SLC25A48: variants seen among roughly 807,000 people sequenced by gnomAD.
SLC25A48 encodes the protein solute carrier family 25 member 48, also known as CTC-321K16.1.
SLC25A48 carries 29 observed loss-of-function variants against 32.2 expected under a neutral mutation model. That is an observed-to-expected ratio of 0.90 (90% CI 0.67 to 1.23). The LOEUF (loss-of-function observed/expected upper bound fraction) is 1.23, where lower values mean the gene tolerates loss of function less well. SLC25A48 is among the 50% of genes most tolerant of loss of function. The probability of loss-of-function intolerance (pLI) is 0.00; values close to 1 mark genes in which losing one functional copy is unlikely to be tolerated. For missense variants in SLC25A48, 399 were observed against 422.7 expected, an observed-to-expected ratio of 0.94 and a Z score of 0.49; for synonymous variants, 164 against 172.3, an observed-to-expected ratio of 0.95 and a Z score of 0.38.
intron 2 of SLC25A48, among the ~76,000 whole-genome samples, chr5:135,630,187 C>T (rs1752524007): frequency 6.6e-6 from 1 of 152,198 alleles, no homozygotes; most frequent in South Asian, 2.1e-4. Flanking sequence ...GATGTGGAGC[C>T]TGTCTGGACT....
chr5:135,615,615 A>C (rs1305189986), intron 1 of SLC25A48, among the ~76,000 whole-genome samples: 1 of 152,234 alleles, frequency 6.6e-6, no homozygotes, highest in Non-Finnish European at 1.5e-5. Context: ...AGAGGGTAAA[A>C]GTTTTGGAAA....
chr5:135,887,909 GT>G, intron 7 of SLC25A48, 122 bp from the exon 8 acceptor site: 3 of 899,728 alleles, frequency 3.3e-6, no homozygotes, highest in Non-Finnish European at 5.2e-6. Flanking sequence ...GTGCAAAAGT[GT>G]TTTTGTAAAC....
chr5:135,802,777 A>G (rs1413605642), intron 3 of SLC25A48, among the ~76,000 whole-genome samples: 5 of 151,312 alleles, frequency 3.3e-5, no homozygotes, highest in African/African-American at 4.8e-5. Flanking sequence ...GGGAAGGTAC[A>G]CAATGTAAGT....
intron 3 of SLC25A48, among the ~76,000 whole-genome samples, chr5:135,788,267 T>C (rs11242285): frequency 0.76 from 113,917 of 149,378 alleles, 43,836 homozygotes; most frequent in Middle Eastern, 0.85. Flanking sequence ...TATTATTCAC[T>C]ATGGGGTGGG....
rs1430518183 is a variant in SLC25A48, at chr5:135,629,722, G to A, written c.-709+346G>A. 6.6e-6 allele frequency among the ~76,000 whole-genome samples: 1 copy of A among 152,192 alleles called. No homozygotes were observed. On this transcript the variant is annotated intron_variant, in intron 2 of 10. Coordinates refer to the SLC25A48 transcript ENST00000646290. The surrounding 1 kb of genome is among the most constrained non-coding windows in gnomAD (Gnocchi z 4.8). ...ACAACCAAGGAGCGAGGGAGCTGGG[G>A]CATTGATCCTTCAACTCCCCATCCA... is the stretch of plus-strand genomic sequence containing the variant.
intron 3 of SLC25A48, among the ~76,000 whole-genome samples, chr5:135,711,917 C>T (rs1265047136): frequency 6.7e-6 from 1 of 150,108 alleles, no homozygotes; most frequent in Non-Finnish European, 1.5e-5. Flanking sequence ...CCTTCACTGG[C>T]CCCCCTGCCT....
chr5:135,824,379 G>C (rs1056823678), intron 4 of SLC25A48: 4 of 152,430 alleles, frequency 2.6e-5, no homozygotes, highest in African/African-American at 9.7e-5. Flanking sequence ...TGCAGTAACA[G>C]ATGGAACGTC....
intron 3 of SLC25A48, among the ~76,000 whole-genome samples, chr5:135,796,191 A>G (rs1479453850): frequency 6.6e-6 from 1 of 151,588 alleles, no homozygotes; most frequent in Non-Finnish European, 1.5e-5. Context: ...CCCCTGTGAT[A>G]TGGTTCGCAA....
chr5:135,830,249 C>T (rs1758168395), upstream of SLC25A48, among the ~76,000 whole-genome samples: 2 of 152,206 alleles, frequency 1.3e-5, no homozygotes, highest in South Asian at 4.1e-4. Context: ...CTTTTCCGCC[C>T]GAGAGCCTCA....
At chr5:135,700,686 AGGCAC>A (rs1754375408) in intron 3 of SLC25A48, among the ~76,000 whole-genome samples, 1 of 152,192 alleles carries the variant, frequency 6.6e-6, no homozygotes, top group East Asian at 1.9e-4. Context: ...TCAATGGTGC[AGGCAC>A]CCTCCTCTCT....
chr5:135,702,803 C>T (rs1285321955), intron 3 of SLC25A48, among the ~76,000 whole-genome samples: 3 of 152,230 alleles, frequency 2.0e-5, no homozygotes, highest in African/African-American at 7.2e-5. Context: ...ATCCCATTCT[C>T]ACAAAACACG....
intron 6 of SLC25A48, among the ~76,000 whole-genome samples, chr5:135,878,084 G>A (rs545595997): frequency 2.0e-5 from 3 of 152,180 alleles, no homozygotes; most frequent in Non-Finnish European, 4.4e-5. Context: ...GGGGGGACTC[G>A]GTCTGGAGGT....
chr5:135,730,231 C>A (rs1042331100), intron 3 of SLC25A48, among the ~76,000 whole-genome samples: 3 of 152,170 alleles, frequency 2.0e-5, no homozygotes, highest in African/African-American at 7.2e-5. Context: ...TTGGCTGTGT[C>A]TCCACCCAAA....
chr5:135,711,150 T>C (rs1421819428), intron 3 of SLC25A48, among the ~76,000 whole-genome samples: 1 of 152,210 alleles, frequency 6.6e-6, no homozygotes. Context: ...ATATTCACTG[T>C]GGACTTTCTG....
chr5:135,850,961 A>T (rs752262283), intron 3 of SLC25A48, among the ~76,000 whole-genome samples: 3 of 152,208 alleles, frequency 2.0e-5, no homozygotes, highest in Non-Finnish European at 4.4e-5. Flanking sequence ...TCCGAAGGGA[A>T]AACTGAATGA....
chr5:135,699,690 GTA>G (rs1754346367), intron 3 of SLC25A48, among the ~76,000 whole-genome samples: 1 of 152,192 alleles, frequency 6.6e-6, no homozygotes, highest in Non-Finnish European at 1.5e-5. Context: ...AAAAACAATG[GTA>G]ATAGCCAGCA....
intron 1 of SLC25A48, among the ~76,000 whole-genome samples, chr5:135,613,015 T>C (rs1752107091): frequency 6.6e-6 from 1 of 152,220 alleles, no homozygotes. Context: ...CTATAGTGCC[T>C]GTACTAACTA....
intron 3 of SLC25A48, among the ~76,000 whole-genome samples, chr5:135,665,234 G>A (rs572917612): frequency 2.7e-4 from 41 of 152,198 alleles, no homozygotes; most frequent in African/African-American, 9.4e-4. Flanking sequence ...TTTGAGAAAT[G>A]TCTGTTCTTG....
At chr5:135,821,364 G>C (rs996237753) in intron 4 of SLC25A48, among the ~76,000 whole-genome samples, 3 of 152,206 alleles carry the variant, frequency 2.0e-5, no homozygotes, top group African/African-American at 7.2e-5. Flanking sequence ...GCAGCTGAAA[G>C]CGAGTGACAA....
Sources: allele counts gnomAD v4.1 joint callset (sites outside exome capture counted in the v4.1 genomes callset), GRCh38; gene constraint gnomAD v4.1.1; non-coding constraint Gnocchi (gnomAD v3.1); transcripts MANE v1.5; gene names NCBI Gene and HGNC (gene_info 2026-07-23, HGNC 2026-07-21).